Variants in AGFG1 observed in about 807,000 individuals in gnomAD.
AGFG1 encodes arf-GAP domain and FG repeat-containing protein 1.
In AGFG1, 10 loss-of-function variants were observed where a neutral mutation model predicts 60.6. The ratio of observed to expected loss-of-function variants is 0.16; its 90% CI spans 0.10 to 0.28. The LOEUF is 0.28. Among genes scored for constraint, AGFG1 ranks in the 10% least tolerant of loss-of-function variants. AGFG1 has a pLI of 1.00. For synonymous variants in AGFG1, 247 were observed against 242.9 expected (o/e 1.02, Z -0.16); for missense variants, 537 against 676.5 (o/e 0.79, Z 2.29).
chr2:227,551,400 CTT>C (rs956618235), intron 10 of AGFG1, among the ~76,000 whole-genome samples: 1 of 152,000 alleles, frequency 6.6e-6, no homozygotes, highest in African/African-American at 2.4e-5. Context: ...GAGAATCTCT[CTT>C]CTCTGGCTGT....
rs752530796 is a variant in AGFG1, at chr2:227,532,352, CAGAGTT to C, written c.814+1147_814+1152del. 2.5e-3 allele frequency: 1,345 copies of C among 544,384 alleles called. 2 individuals are homozygous for C. Among genetic ancestry groups the C allele is most frequent in the Non-Finnish European group, 3.3e-3 (1,109 of 331,248 alleles). The allele number at this position is 544,384 out of a possible 1,614,324, so 33.7% of individuals were successfully genotyped here. On this transcript the variant is annotated intron_variant, in intron 6 of 12. Coordinates refer to ENST00000310078, the MANE Select transcript of AGFG1 (RefSeq NM_004504.5). ...CTCTTCCAACTCTATTTATTAAACT[CAGAGTT>C]AGAGAACACAATAGTAGACAATCAA...
rs185834368 is a variant in AGFG1 at position 227,477,793 on chromosome 2, A to G, written c.167+5205A>G. 1.4e-3 allele frequency among the ~76,000 whole-genome samples: 208 copies of G among 152,064 alleles called. 2 individuals carry two copies. Among genetic ancestry groups the G allele is most frequent in the Admixed American group, 9.8e-3 (149 of 15,268 alleles). ...GCTAAATTTTTTTTGTATTTTTAGT[A>G]GAGATGGGGTTTCACCATGTTGGCC... is the stretch of plus-strand genomic sequence containing the variant. On this transcript the variant is annotated intron_variant, in intron 1 of 12. Coordinates refer to ENST00000310078, the MANE Select transcript of AGFG1 (RefSeq NM_004504.5).
intron 1 of AGFG1, among the ~76,000 whole-genome samples, chr2:227,490,752 T>C (rs915555232): frequency 1.3e-5 from 2 of 152,176 alleles, no homozygotes; most frequent in Non-Finnish European, 2.9e-5. Context: ...CACAAGATAG[T>C]TGGACAACAT....
chr2:227,472,669 G>C (rs1450864736), intron 1 of AGFG1, 81 bp downstream of exon 1: 2 of 1,436,988 alleles, frequency 1.4e-6, no homozygotes, highest in Non-Finnish European at 1.8e-6. Context: ...ACCCTTCCGG[G>C]GCTGGGAAAG....
chr2:227,553,357 G>A (rs542233928), intron 11 of AGFG1, among the ~76,000 whole-genome samples: 2 of 152,208 alleles, frequency 1.3e-5, no homozygotes, highest in South Asian at 2.1e-4. Context: ...TTAGCTGGGC[G>A]TGCTGGCGTG....
At chr2:227,488,585 A>G (rs537620348) in intron 1 of AGFG1, among the ~76,000 whole-genome samples, 1 of 152,344 alleles carries the variant, frequency 6.6e-6, no homozygotes, top group South Asian at 2.1e-4. Flanking sequence ...AGGAGAGACA[A>G]AGTTGCAAAG....
intron 1 of AGFG1, among the ~76,000 whole-genome samples, chr2:227,490,166 A>G (rs1449567835): frequency 1.3e-5 from 2 of 152,178 alleles, no homozygotes; most frequent in Admixed American, 1.3e-4. Context: ...TAATTATTCA[A>G]AATGTTCCCA....
At chr2:227,498,022 G>A (rs1196641651) in intron 2 of AGFG1, among the ~76,000 whole-genome samples, 1 of 151,942 alleles carries the variant, frequency 6.6e-6, no homozygotes, top group East Asian at 1.9e-4. Flanking sequence ...TTTGTAATCT[G>A]TGGGAAATAT....
intron 2 of AGFG1, among the ~76,000 whole-genome samples, chr2:227,517,014 C>T (rs1427919820): frequency 1.6e-4 from 25 of 152,090 alleles, no homozygotes; most frequent in Non-Finnish European, 4.4e-5. Context: ...TAGGTTTCTG[C>T]CTGAGGAGAG....
chr2:227,480,589 T>C (rs551896584), intron 1 of AGFG1, among the ~76,000 whole-genome samples: 1 of 96,652 alleles, frequency 1.0e-5, no homozygotes, highest in Admixed American at 1.2e-4. Flanking sequence ...ATGCATCAGC[T>C]ACTTTTTTTT....
At chr2:227,532,087 TTTTTG>T in intron 6 of AGFG1, 2 of 1,428,272 alleles carry the variant, frequency 1.4e-6, no homozygotes, top group Non-Finnish European at 1.9e-6. Flanking sequence ...TCAATTTTCT[TTTTTG>T]TTTTTTCTTT....
At chr2:227,484,280 C>T (rs764318367) in intron 1 of AGFG1, among the ~76,000 whole-genome samples, 9 of 151,916 alleles carry the variant, frequency 5.9e-5, no homozygotes, top group Non-Finnish European at 1.2e-4. Flanking sequence ...CCTCTGCCTC[C>T]CAGGTTCAAG....
intron 2 of AGFG1, among the ~76,000 whole-genome samples, chr2:227,503,484 C>G (rs1243949975): frequency 1.3e-5 from 2 of 152,154 alleles, no homozygotes; most frequent in Non-Finnish European, 2.9e-5. Context: ...GGCCTGTTGC[C>G]TGTTTTTATA....
intron 10 of AGFG1, among the ~76,000 whole-genome samples, chr2:227,543,135 G>GT (rs1381649354): frequency 5.9e-5 from 9 of 152,200 alleles, no homozygotes; most frequent in African/African-American, 1.9e-4. Flanking sequence ...TTTTTTGAGG[G>GT]TTTTTTGTGT....
chr2:227,497,761 T>TTTTTTTTTTTTTTTTTTTTG (rs546987888), intron 2 of AGFG1, among the ~76,000 whole-genome samples: 2 of 65,158 alleles, frequency 3.1e-5, no homozygotes, highest in Non-Finnish European at 6.7e-5. Context: ...TTTTTTTTTT[T>TTTTTTTTTTTTTTTTTTTTG]GGGGACGGAG....
intron 1 of AGFG1, among the ~76,000 whole-genome samples, chr2:227,487,855 T>C (rs1448581676): frequency 6.6e-6 from 1 of 152,198 alleles, no homozygotes; most frequent in Non-Finnish European, 1.5e-5. Context: ...CAGACTCTTA[T>C]AAGCATGTAA....
rs1468215317 is a variant in AGFG1 at position 227,556,627 on chromosome 2, T to C, written c.*2132T>C. The C allele has an allele frequency of 2.0e-5, 3 of 152,676 alleles. No individual in the cohort carries two copies. Among genetic ancestry groups the C allele is most frequent in the Non-Finnish European group, 4.4e-5 (3 of 68,044 alleles). 9.5% of individuals were successfully genotyped at this position (152,676 alleles called of 1,614,324 possible). ...CCATTACCCAAATATCCTACCAGGC[T>C]TTCCATCTGAATAGTAAATTAAACA... On this transcript the variant is annotated 3_prime_UTR_variant, in exon 13 of 13. Coordinates refer to ENST00000310078, the MANE Select transcript of AGFG1 (RefSeq NM_004504.5).
intron 1 of AGFG1, among the ~76,000 whole-genome samples, chr2:227,491,123 G>C (rs1690803883): frequency 1.3e-5 from 2 of 152,142 alleles, no homozygotes; most frequent in African/African-American, 4.8e-5. Context: ...GCTAACAGCT[G>C]TTTGATAAGG....
intron 10 of AGFG1, among the ~76,000 whole-genome samples, chr2:227,538,823 A>G (rs923819618): frequency 2.0e-5 from 3 of 152,234 alleles, no homozygotes; most frequent in African/African-American, 7.2e-5. Flanking sequence ...ATAAAATAAT[A>G]TAAAATGTAC....
Sources: allele counts gnomAD v4.1 joint callset (sites outside exome capture counted in the v4.1 genomes callset), GRCh38; gene constraint gnomAD v4.1.1; transcripts MANE v1.5; gene names NCBI Gene and HGNC (gene_info 2026-07-23, HGNC 2026-07-21).